Variants in AOAH observed in about 807,000 individuals in gnomAD.
AOAH encodes acyloxyacyl hydrolase, also known as acyloxyacyl hydrolase (neutrophil).
In AOAH, 64 loss-of-function variants were observed where a neutral mutation model predicts 92.2. The observed-to-expected ratio is 0.69, with a 90% CI of 0.57 to 0.86. AOAH has a LOEUF of 0.86. Ranked by LOEUF, AOAH falls within the 40% of genes least tolerant of loss-of-function variation. AOAH has a pLI of 0.00. For missense variants in AOAH, 656 were observed against 694.6 expected (o/e 0.94, Z 0.62); for synonymous variants, 263 against 254.5 (o/e 1.03, Z -0.32).
chr7:36,689,285 ATGG>A (rs1797243415), intron 1 of AOAH, among the ~76,000 whole-genome samples: 1 of 152,188 alleles, frequency 6.6e-6, no homozygotes, highest in Non-Finnish European at 1.5e-5. Context: ...AAGGAAGAAT[ATGG>A]TGGAGACTGG....
chr7:36,670,808 G>C (rs900018948), intron 3 of AOAH, among the ~76,000 whole-genome samples: 1 of 152,130 alleles, frequency 6.6e-6, no homozygotes, highest in Non-Finnish European at 1.5e-5. Context: ...ACCTATGCCC[G>C]CTTGTCTCTT....
At chr7:36,586,660 T>A (rs1157835433) in intron 12 of AOAH, among the ~76,000 whole-genome samples, 1 of 152,170 alleles carries the variant, frequency 6.6e-6, no homozygotes, top group Non-Finnish European at 1.5e-5. Context: ...TTCACACTCT[T>A]AAAATTATTG....
intron 4 of AOAH, among the ~76,000 whole-genome samples, chr7:36,656,878 G>GGA (rs1794924757): frequency 1.7e-5 from 1 of 58,250 alleles, no homozygotes; most frequent in African/African-American, 6.2e-5. Flanking sequence ...AAAGAGGTTT[G>GGA]GTGGGGGGTG....
At chr7:36,655,740 T>C (rs1156476773) in intron 4 of AOAH, among the ~76,000 whole-genome samples, 4 of 152,138 alleles carry the variant, frequency 2.6e-5, no homozygotes, top group Non-Finnish European at 5.9e-5. Flanking sequence ...TACCCGTTCA[T>C]TGCGTCAATA....
chr7:36,523,629 G>GTTTTTTTTTTTTTTTTTTTTTTT (rs57628897), intron 19 of AOAH, among the ~76,000 whole-genome samples: 3 of 100,138 alleles, frequency 3.0e-5, no homozygotes, highest in Admixed American at 1.3e-4. Flanking sequence ...TGTTTTGCCT[G>GTTTTTTTTTTTTTTTTTTTTTTT]TTTTTTTTTT....
intron 1 of AOAH, among the ~76,000 whole-genome samples, chr7:36,698,254 T>C (rs1797834573): frequency 6.6e-6 from 1 of 152,222 alleles, no homozygotes; most frequent in Non-Finnish European, 1.5e-5. Context: ...ATCCTTTTAA[T>C]TTCCTTTGGG....
intron 13 of AOAH, among the ~76,000 whole-genome samples, chr7:36,555,263 T>C (rs1156561045): frequency 1.3e-5 from 2 of 152,076 alleles, no homozygotes; most frequent in Non-Finnish European, 2.9e-5. Flanking sequence ...TTGTCTTTGG[T>C]TCTGTTTATA....
chr7:36,632,157 T>G, intron 5 of AOAH, 51 bp from the exon 6 acceptor site: 1 of 1,472,784 alleles, frequency 6.8e-7, no homozygotes, highest in Non-Finnish European at 9.3e-7. Context: ...TAAGGAGTGG[T>G]TCCCCACCTT....
At chr7:36,719,661 T>C (rs1230355280) in intron 1 of AOAH, among the ~76,000 whole-genome samples, 2 of 152,192 alleles carry the variant, frequency 1.3e-5, no homozygotes, top group Admixed American at 6.5e-5. Flanking sequence ...CTGGACACGG[T>C]GGCTCATGCT....
intron 1 of AOAH, among the ~76,000 whole-genome samples, chr7:36,700,335 C>T (rs1797955682): frequency 6.6e-6 from 1 of 151,930 alleles, no homozygotes; most frequent in Admixed American, 6.6e-5. Flanking sequence ...CTTTCCCTTC[C>T]TTCACTTCAT....
chr7:36,681,443 T>C (rs1326573618), intron 2 of AOAH, among the ~76,000 whole-genome samples: 1 of 152,126 alleles, frequency 6.6e-6, no homozygotes, highest in Admixed American at 6.5e-5. Context: ...CAGTAGACCA[T>C]TGATGTCAAA....
intron 4 of AOAH, among the ~76,000 whole-genome samples, chr7:36,656,201 G>A (rs1053468150): frequency 1.3e-5 from 2 of 152,132 alleles, no homozygotes; most frequent in Non-Finnish European, 2.9e-5. Context: ...ATGATTGGGG[G>A]AATTCTACAT....
At chr7:36,633,687 T>C (rs1012025368) in intron 5 of AOAH, among the ~76,000 whole-genome samples, 3 of 152,064 alleles carry the variant, frequency 2.0e-5, no homozygotes, top group African/African-American at 4.8e-5. Context: ...CCCTGAGGAC[T>C]GTGGGGAAGC....
intron 15 of AOAH, among the ~76,000 whole-genome samples, chr7:36,543,193 C>T (rs1168544004): frequency 6.6e-6 from 1 of 152,156 alleles, no homozygotes; most frequent in Non-Finnish European, 1.5e-5. Context: ...AATCTTCCTA[C>T]CTGATAAAAA....
At chr7:36,695,547 T>C (rs1347115535) in intron 1 of AOAH, among the ~76,000 whole-genome samples, 1 of 152,206 alleles carries the variant, frequency 6.6e-6, no homozygotes, top group African/African-American at 2.4e-5. Context: ...GGTTAAACAA[T>C]GTACTTTAAT....
intron 1 of AOAH, among the ~76,000 whole-genome samples, chr7:36,690,826 C>T (rs569331474): frequency 2.2e-4 from 33 of 152,154 alleles, no homozygotes; most frequent in Admixed American, 5.2e-4. Flanking sequence ...CAAATGGGCC[C>T]GAATAAAAAC....
Position 36,637,910 on chromosome 7 carries a change from C to T in AOAH, c.391G>A (p.Glu131Lys), listed in dbSNP as rs759933828. 1.2e-6 allele frequency: 2 copies of T among 1,611,528 alleles called. No homozygotes were observed. The highest frequency in any genetic ancestry group is 1.7e-6 in the Non-Finnish European group (2 of 1,177,672). Reference protein sequence around the residue: ...PLCHLYPLPKETWKFTLQKAR... With the variant: ...PLCHLYPLPKKTWKFTLQKAR... ...TTCTGTAGTGTAAATTTCCATGTCTCCTATAAAAACAAAGTTAGAGAACAT... is the reference window on the plus strand; with the variant it reads ...TTCTGTAGTGTAAATTTCCATGTCTTCTATAAAAACAAAGTTAGAGAACAT... Residue 131 changes from glutamate (E) to lysine (K), a missense_variant and splice_region_variant, in exon 5 of 21, where the codon GAG becomes AAG. By Grantham distance (56) the Glu-to-Lys change is moderately conservative. Transcript: ENST00000617537.
chr7:36,610,497 CT>C (rs60730967), intron 11 of AOAH, among the ~76,000 whole-genome samples: 4,695 of 98,880 alleles, frequency 0.047, 107 homozygotes, highest in African/African-American at 0.11. Flanking sequence ...GGCTTTATAA[CT>C]TTTTTTTTTT....
chr7:36,617,252 G>C (rs753986584), intron 10 of AOAH, among the ~76,000 whole-genome samples: 7 of 152,238 alleles, frequency 4.6e-5, no homozygotes, highest in Non-Finnish European at 8.8e-5. Flanking sequence ...TGGGGACTGA[G>C]AAGGCCCAGG....
Sources: allele counts gnomAD v4.1 joint callset (sites outside exome capture counted in the v4.1 genomes callset), GRCh38; gene constraint gnomAD v4.1.1; transcripts MANE v1.5; gene names NCBI Gene and HGNC (gene_info 2026-07-23, HGNC 2026-07-21).